The following CFAP20DC variants were observed in gnomAD, a reference collection of about 807,000 sequenced individuals.
CFAP20DC encodes CFAP20 domain containing.
Under a neutral mutation model 101.7 loss-of-function variants are expected in CFAP20DC, and 84 were observed. That is an observed-to-expected ratio of 0.83 (90% CI 0.69 to 0.99). CFAP20DC has a LOEUF of 0.99. Among genes scored for constraint, CFAP20DC ranks in the 50% least tolerant of loss-of-function variants. CFAP20DC has a pLI of 0.00. For synonymous variants in CFAP20DC, 359 were observed against 351.2 expected, an observed-to-expected ratio of 1.02 and a Z score of -0.25; for missense variants, 1,007 against 970.3, an observed-to-expected ratio of 1.04 and a Z score of -0.50.
rs528939194 is a variant in CFAP20DC at position 58,961,023 on chromosome 3, T to A, written c.279-23261A>T. On this transcript the variant is annotated intron_variant, in intron 4 of 16. Transcript: ENST00000482387. ...ATTATGTGTTTCTTGTTCTTCATTC[T>A]ACTAACAGGGCATACTACGTTAATT... 1.8e-4 allele frequency among the ~76,000 whole-genome samples: 28 copies of A among 152,338 alleles called. 1 individual carries two copies. The South Asian group carries it at 5.8e-3, about 32-fold the overall frequency.
chr3:58,934,869 G>T (rs1434526671), intron 5 of CFAP20DC, among the ~76,000 whole-genome samples: 5 of 152,156 alleles, frequency 3.3e-5, no homozygotes, highest in Non-Finnish European at 5.9e-5. Context: ...GCACAAGACA[G>T]GGATGCCCTC....
intron 11 of CFAP20DC, among the ~76,000 whole-genome samples, chr3:58,866,042 C>A (rs2079658131): frequency 6.6e-6 from 1 of 152,172 alleles, no homozygotes; most frequent in African/African-American, 2.4e-5. Context: ...TTAGTTTTTC[C>A]ACACAGTCAG....
intron 4 of CFAP20DC, among the ~76,000 whole-genome samples, chr3:58,983,739 A>G (rs1435356401): frequency 1.3e-5 from 2 of 152,312 alleles, no homozygotes; most frequent in East Asian, 3.9e-4. Context: ...AGTGCTATTC[A>G]AAATGCTTTA....
intron 4 of CFAP20DC, among the ~76,000 whole-genome samples, chr3:58,993,135 G>A (rs1251811134): frequency 6.6e-6 from 1 of 151,942 alleles, no homozygotes; most frequent in South Asian, 2.1e-4. Flanking sequence ...ACACCACAGA[G>A]GAAAAAATGA....
chr3:58,725,241 C>T (rs961734248), intron 3 of CFAP20DC, among the ~76,000 whole-genome samples: 2 of 152,220 alleles, frequency 1.3e-5, no homozygotes, highest in African/African-American at 4.8e-5. Context: ...AACTTCCTCT[C>T]AGCTTCTGTG....
intron 14 of CFAP20DC, among the ~76,000 whole-genome samples, chr3:58,830,589 G>A (rs1010641250): frequency 2.0e-5 from 3 of 152,170 alleles, no homozygotes; most frequent in African/African-American, 7.2e-5. Context: ...AAATTCATAT[G>A]TATTTAATTA....
intron 16 of CFAP20DC, among the ~76,000 whole-genome samples, chr3:58,743,829 TG>T (rs1316001910): frequency 1.3e-5 from 2 of 151,694 alleles, no homozygotes; most frequent in Non-Finnish European, 2.9e-5. Context: ...TCCAAGGGAG[TG>T]GTGCCTACAT....
intron 15 of CFAP20DC, among the ~76,000 whole-genome samples, chr3:58,797,724 G>C (rs2073362337): frequency 6.6e-6 from 1 of 151,310 alleles, no homozygotes; most frequent in Non-Finnish European, 1.5e-5. Context: ...TCAATGTCTG[G>C]CTTCAAAGCT....
rs190253553 is a variant in CFAP20DC, at chr3:58,806,921, G to T, written c.2176-465C>A. Among the ~76,000 whole-genome samples the T allele has an allele frequency of 2.3e-4, 35 of 152,226 alleles. No homozygotes were observed. In the East Asian group the frequency reaches 6.4e-3, roughly 28 times the overall value. ...ACGGCGCACCAGGAGATTATATCCC[G>T]CACATGGCTTGAAGGGTCCTACGCC... On this transcript the variant is annotated intron_variant, in intron 14 of 16. Transcript: ENST00000482387.
At chr3:58,857,785 T>TA (rs1231799068) in intron 12 of CFAP20DC, among the ~76,000 whole-genome samples, 1 of 152,090 alleles carries the variant, frequency 6.6e-6, no homozygotes, top group South Asian at 2.1e-4. Context: ...AATGGAGAAT[T>TA]AAAAAAAGTA....
intron 6 of CFAP20DC, among the ~76,000 whole-genome samples, chr3:58,885,527 T>C (rs890197880): frequency 6.6e-6 from 1 of 151,896 alleles, no homozygotes; most frequent in African/African-American, 2.4e-5. Flanking sequence ...TAACATATTA[T>C]TGTTAACTAT....
chr3:58,946,512 T>C (rs923273622), intron 4 of CFAP20DC, among the ~76,000 whole-genome samples: 2 of 152,184 alleles, frequency 1.3e-5, no homozygotes, highest in African/African-American at 4.8e-5. Flanking sequence ...CATCTTATAG[T>C]CTATGGAATA....
intron 14 of CFAP20DC, among the ~76,000 whole-genome samples, chr3:58,817,370 G>A (rs1238909570): frequency 1.3e-5 from 2 of 151,694 alleles, no homozygotes; most frequent in African/African-American, 4.8e-5. Context: ...CAAACCAAAG[G>A]CAAAGAAGTT....
intron 14 of CFAP20DC, among the ~76,000 whole-genome samples, chr3:58,818,123 A>C (rs1435335518): frequency 1.3e-5 from 2 of 150,692 alleles, no homozygotes; most frequent in Non-Finnish European, 3.0e-5. Context: ...CCTGCCCTAA[A>C]AGAGCTCCTG....
At chr3:58,793,105 C>T (rs1218980782) in intron 15 of CFAP20DC, among the ~76,000 whole-genome samples, 1 of 151,986 alleles carries the variant, frequency 6.6e-6, no homozygotes, top group African/African-American at 2.4e-5. Flanking sequence ...AAAATGTAAG[C>T]CAAGTGCTTT....
chr3:58,825,909 T>G (rs950781143), intron 14 of CFAP20DC, among the ~76,000 whole-genome samples: 1 of 152,252 alleles, frequency 6.6e-6, no homozygotes, highest in African/African-American at 2.4e-5. Context: ...ATTACACTTT[T>G]AAATGACTAA....
chr3:59,021,420 A>G (rs1411664397), intron 4 of CFAP20DC, among the ~76,000 whole-genome samples: 2 of 152,068 alleles, frequency 1.3e-5, no homozygotes, highest in African/African-American at 4.8e-5. Flanking sequence ...TGAGAGAAAA[A>G]TAAGTTCTAA....
chr3:58,725,500 C>T (rs534070255), intron 3 of CFAP20DC, among the ~76,000 whole-genome samples: 6 of 152,324 alleles, frequency 3.9e-5, no homozygotes, highest in African/African-American at 1.2e-4. Flanking sequence ...GTAACCAACA[C>T]GACGGGTGGT....
At chr3:58,963,129 C>CT (rs774656339) in intron 4 of CFAP20DC, among the ~76,000 whole-genome samples, 5 of 150,730 alleles carry the variant, frequency 3.3e-5, no homozygotes, top group Non-Finnish European at 5.9e-5. Context: ...AAAGGAGGGA[C>CT]TGCAGCAGCC....
Sources: allele counts gnomAD v4.1 joint callset (sites outside exome capture counted in the v4.1 genomes callset), GRCh38; gene constraint gnomAD v4.1.1; transcripts MANE v1.5; gene names NCBI Gene and HGNC (gene_info 2026-07-23, HGNC 2026-07-21).